DMD: variants seen among roughly 807,000 people sequenced by gnomAD.
DMD encodes mutant dystrophin.
DMD carries 63 observed loss-of-function variants against 330.1 expected under a neutral mutation model. The observed-to-expected ratio is 0.19, with a 90% CI of 0.16 to 0.24. The LOEUF (loss-of-function observed/expected upper bound fraction) is 0.24. Ranked by LOEUF, DMD falls within the 10% of genes least tolerant of loss-of-function variation. The pLI is 1.00. For synonymous variants in DMD, 1,223 were observed against 959.8 expected, an observed-to-expected ratio of 1.27 and a Z score of -5.07; for missense variants, 3,344 against 2,684.1, an observed-to-expected ratio of 1.25 and a Z score of -5.43.
At chrX:33,029,441 G>A (rs2094066605) in intron 1 of DMD, among the ~76,000 whole-genome samples, 4 of 111,837 alleles carry the variant, frequency 3.6e-5, no homozygotes. Context: ...AAAATGCTAT[G>A]GATGACCTGT....
At chrX:31,865,464 T>G (rs1307508593) in intron 48 of DMD, among the ~76,000 whole-genome samples, 1 of 112,357 alleles carries the variant, frequency 8.9e-6, no homozygotes, top group African/African-American at 3.2e-5. Context: ...TAAAAAATTT[T>G]TTTTAAAAAT....
At chrX:32,433,820 G>T (rs1192273599) in intron 29 of DMD, among the ~76,000 whole-genome samples, 1 of 112,069 alleles carries the variant, frequency 8.9e-6, no homozygotes, top group African/African-American at 3.2e-5. Context: ...TATTCATTTT[G>T]TTGTATTACT....
At chrX:32,591,010 A>G (rs2054848223) in intron 13 of DMD, among the ~76,000 whole-genome samples, 1 of 111,272 alleles carries the variant, frequency 9.0e-6, no homozygotes, top group Non-Finnish European at 1.9e-5. Flanking sequence ...TCCATTCTTT[A>G]TAATTATTTT....
intron 9 of DMD, among the ~76,000 whole-genome samples, chrX:32,667,943 C>T (rs2061413312): frequency 9.3e-6 from 1 of 107,963 alleles, no homozygotes; most frequent in Non-Finnish European, 1.9e-5. Context: ...AGTTCAAGAC[C>T]AGCCTGGCCA....
intron 43 of DMD, among the ~76,000 whole-genome samples, chrX:32,255,460 G>A (rs1276105373): frequency 1.8e-5 from 2 of 109,210 alleles, no homozygotes; most frequent in Non-Finnish European, 3.8e-5. Flanking sequence ...AAATGGCAGA[G>A]TTTAATAGTT....
At chrX:32,884,866 A>T (rs2084366574) in intron 2 of DMD, among the ~76,000 whole-genome samples, 1 of 112,029 alleles carries the variant, frequency 8.9e-6, no homozygotes, top group Non-Finnish European at 1.9e-5. Context: ...TCTTCTCAGG[A>T]TGTTAACTTT....
chrX:33,134,025 G>A (rs771393998), intron 1 of DMD, among the ~76,000 whole-genome samples: 59 of 111,776 alleles, frequency 5.3e-4, no homozygotes, highest in Non-Finnish European at 1.0e-3. Flanking sequence ...TTTTGCACCT[G>A]ATGACCAAAA....
intron 64 of DMD, 116 bp downstream of exon 64, chrX:31,222,931 G>C: frequency 1.6e-6 from 1 of 624,012 alleles, no homozygotes; most frequent in South Asian, 2.3e-5. Flanking sequence ...ATTATACATT[G>C]CAACAGGAAT....
At chrX:32,549,907 T>C (rs1039826951) in intron 16 of DMD, among the ~76,000 whole-genome samples, 3 of 112,342 alleles carry the variant, frequency 2.7e-5, no homozygotes, top group Admixed American at 9.4e-5. Flanking sequence ...CAAAAGGACA[T>C]ACAATAAAAT....
rs1196549098 is a variant in DMD, at chrX:32,849,785, G to A, written c.129C>T (p.Asp43=). 8.3e-7 allele frequency: 1 copy of A among 1,208,866 alleles called. No homozygotes were observed. The highest frequency in any genetic ancestry group is 1.1e-6 in the Non-Finnish European group (1 of 893,672). ...GKQHIENLFS[D]LQDGRRLLDL... ...CTAGGAGGCGCCTCCCATCCTGTAG[G>A]TCACTGAAGAGGTTCTCAATATGCT... The change falls in exon 3 of 79, where the codon GAC becomes GAT. Residue 43 remains aspartate, a synonymous_variant. Transcript: ENST00000357033.
chrX:32,460,314 G>T (rs564529162), intron 25 of DMD, among the ~76,000 whole-genome samples: 1 of 110,193 alleles, frequency 9.1e-6, no homozygotes, highest in Non-Finnish European at 1.9e-5. Context: ...CAGCATGGAG[G>T]TTCCTCAGAA....
chrX:32,324,206 T>G (rs1390607737), intron 41 of DMD, among the ~76,000 whole-genome samples: 1 of 111,706 alleles, frequency 9.0e-6, no homozygotes, highest in Non-Finnish European at 1.9e-5. Context: ...CTAACTATCC[T>G]GACTTAATCA....
intron 1 of DMD, among the ~76,000 whole-genome samples, chrX:33,047,043 G>A (rs1446880688): frequency 8.9e-6 from 1 of 112,024 alleles, no homozygotes; most frequent in Admixed American, 9.5e-5. Context: ...CATTTTCACA[G>A]ACCTTGTAAG....
intron 68 of DMD, among the ~76,000 whole-genome samples, chrX:31,181,549 C>G (rs1044464244): frequency 1.8e-5 from 2 of 110,384 alleles, no homozygotes; most frequent in Non-Finnish European, 3.8e-5. Flanking sequence ...CTCCCCACCC[C>G]CATGGTATCA....
At chrX:31,438,472 CA>C (rs1283104764) in intron 60 of DMD, among the ~76,000 whole-genome samples, 1 of 111,491 alleles carries the variant, frequency 9.0e-6, no homozygotes, top group Non-Finnish European at 1.9e-5. Flanking sequence ...ATAAGCCTTC[CA>C]GGTGAATTTG....
chrX:32,441,519 C>T (rs1174849081), intron 27 of DMD, among the ~76,000 whole-genome samples: 1 of 111,360 alleles, frequency 9.0e-6, no homozygotes, highest in Non-Finnish European at 1.9e-5. Flanking sequence ...CATTTTATTA[C>T]ATGAATAATG....
Position 32,142,213 on chromosome X carries a change from G to A in DMD, c.6438+74703C>T, listed in dbSNP as rs748705630. On this transcript the variant is annotated intron_variant, in intron 44 of 78. Coordinates refer to ENST00000357033, the MANE Select transcript of DMD (RefSeq NM_004006.3). Reference sequence around the variant, plus strand: ...AGAAGACACGATTGCAGAGGAGGATGTCTACTCCAGAGAGACACTCTGCAA... The same window carrying A: ...AGAAGACACGATTGCAGAGGAGGATATCTACTCCAGAGAGACACTCTGCAA... Among the ~76,000 whole-genome samples the A allele has an allele frequency of 9.9e-5, 11 of 111,399 alleles. No individual in the cohort carries two copies. In the South Asian group the frequency reaches 3.8e-3, roughly 39 times the overall value.
At chrX:33,060,401 G>A (rs1294039555) in intron 1 of DMD, among the ~76,000 whole-genome samples, 1 of 111,326 alleles carries the variant, frequency 9.0e-6, no homozygotes, top group Admixed American at 9.6e-5. Context: ...AATTTTAGGA[G>A]AATGTGCACA....
Position 31,616,899 on chromosome X carries a change from T to C in DMD, c.8217+10774A>G, listed in dbSNP as rs1351369799. The stretch of plus-strand genomic sequence containing the variant: ...TGAACTTGAAAGTGAGGCAAGTAAG[T>C]GGGAGATTTAGAAATGACTATATGA... On this transcript the variant is annotated intron_variant, in intron 55 of 78. Transcript: ENST00000357033. Among the ~76,000 whole-genome samples the C allele has an allele frequency of 8.1e-5, 9 of 111,467 alleles. No homozygotes were observed. The East Asian group carries it at 2.6e-3, about 32-fold the overall frequency.
Sources: gnomAD v4.1 joint callset for allele counts (sites outside exome capture counted in the v4.1 genomes callset) on GRCh38, gnomAD v4.1.1 for gene constraint, MANE v1.5 for transcripts, NCBI Gene and HGNC (gene_info 2026-07-23, HGNC 2026-07-21) for gene names.